The following GRIK1 variants were observed in gnomAD, a reference collection of about 807,000 sequenced individuals.
GRIK1 encodes the protein glutamate ionotropic receptor kainate type subunit 1.
GRIK1 carries 69 observed loss-of-function variants against 105.7 expected under a neutral mutation model. That is an observed-to-expected ratio of 0.65 (90% CI 0.54 to 0.80). The LOEUF (loss-of-function observed/expected upper bound fraction) is 0.80. Among genes scored for constraint, GRIK1 ranks in the 30% least tolerant of loss-of-function variants. The pLI is 0.00. For synonymous variants in GRIK1, 438 were observed against 431.3 expected (o/e 1.02, Z -0.19); for missense variants, 1,109 against 1,167.3 (o/e 0.95, Z 0.73).
At chr21:29,781,455 ATTG>A (rs973236973) in intron 1 of GRIK1, among the ~76,000 whole-genome samples, 5 of 152,052 alleles carry the variant, frequency 3.3e-5, no homozygotes, top group African/African-American at 1.2e-4. Context: ...TGTGTATGCC[ATTG>A]TATTTCCCAC....
At chr21:29,917,048 T>C (rs569502183) in intron 1 of GRIK1, among the ~76,000 whole-genome samples, 1 of 152,024 alleles carries the variant, frequency 6.6e-6, no homozygotes, top group Non-Finnish European at 1.5e-5. Flanking sequence ...ATGCTTCTGA[T>C]GTTTTTCTCA....
chr21:29,574,335 A>G (rs944443614), intron 14 of GRIK1, among the ~76,000 whole-genome samples: 2 of 152,238 alleles, frequency 1.3e-5, no homozygotes, highest in African/African-American at 4.8e-5. Context: ...AACATCTTGA[A>G]GGAAGTAGAA....
intron 1 of GRIK1, among the ~76,000 whole-genome samples, chr21:29,806,323 A>G (rs988259016): frequency 2.6e-5 from 4 of 152,092 alleles, no homozygotes; most frequent in African/African-American, 9.7e-5. Flanking sequence ...CAGTCAGCCA[A>G]TAACAAACCA....
intron 16 of GRIK1, among the ~76,000 whole-genome samples, chr21:29,538,806 G>A (rs974853401): frequency 1.3e-5 from 2 of 151,326 alleles, no homozygotes; most frequent in African/African-American, 4.9e-5. Context: ...TGCAACATGT[G>A]TATTTGAAAA....
At chr21:29,863,063 T>C (rs1173295454) in intron 1 of GRIK1, among the ~76,000 whole-genome samples, 1 of 152,236 alleles carries the variant, frequency 6.6e-6, no homozygotes. Flanking sequence ...TGTGTGTATA[T>C]GTGTCTGTGA....
chr21:29,842,176 T>C (rs1435165320), intron 1 of GRIK1, among the ~76,000 whole-genome samples: 2 of 152,198 alleles, frequency 1.3e-5, no homozygotes, highest in Non-Finnish European at 2.9e-5. Flanking sequence ...GGTTATTCTT[T>C]GCTTTTTAAA....
chr21:29,585,963 T>C (rs1316306905), intron 12 of GRIK1, among the ~76,000 whole-genome samples: 1 of 152,192 alleles, frequency 6.6e-6, no homozygotes, highest in Admixed American at 6.5e-5. Context: ...TTTGGCAGCA[T>C]CCCTGGACTC....
At chr21:29,574,683 C>CTTT (rs71191118) in intron 14 of GRIK1, among the ~76,000 whole-genome samples, 333 of 98,372 alleles carry the variant, frequency 3.4e-3, no homozygotes, top group African/African-American at 4.7e-3. Flanking sequence ...TGATACACTT[C>CTTT]TTTTTTTTTT....
At chr21:29,674,307 G>T (rs1393543391) in intron 3 of GRIK1, among the ~76,000 whole-genome samples, 1 of 151,278 alleles carries the variant, frequency 6.6e-6, no homozygotes, top group African/African-American at 2.4e-5. Context: ...GTGTGTGTGT[G>T]TGTGTGGCTC....
chr21:29,652,124 T>C (rs1483181050), intron 5 of GRIK1, among the ~76,000 whole-genome samples: 1 of 152,282 alleles, frequency 6.6e-6, no homozygotes, highest in East Asian at 1.9e-4. Flanking sequence ...CTTTGGGGTA[T>C]TTTGAAGAAT....
intron 4 of GRIK1, among the ~76,000 whole-genome samples, chr21:29,659,314 G>T (rs925710304): frequency 3.9e-5 from 6 of 152,100 alleles, no homozygotes; most frequent in African/African-American, 1.4e-4. Context: ...GCTGAGTTGG[G>T]TTAGAGTAAT....
At chr21:29,582,904 C>T (rs1365254223) in intron 12 of GRIK1, among the ~76,000 whole-genome samples, 1 of 152,098 alleles carries the variant, frequency 6.6e-6, no homozygotes, top group Admixed American at 6.6e-5. Flanking sequence ...GTTGCTGACA[C>T]ACTGGGGAGA....
chr21:29,681,682 A>G (rs191552832), intron 3 of GRIK1, among the ~76,000 whole-genome samples: 32 of 152,230 alleles, frequency 2.1e-4, no homozygotes, highest in African/African-American at 7.5e-4. Flanking sequence ...AACAATTATA[A>G]TCATTTTATA....
intron 1 of GRIK1, among the ~76,000 whole-genome samples, chr21:29,737,775 A>T (rs2064829636): frequency 6.6e-6 from 1 of 152,242 alleles, no homozygotes; most frequent in Non-Finnish European, 1.5e-5. Context: ...CACTCTGGAA[A>T]CATGAAATAA....
At chr21:29,768,622 G>A (rs533618260) in intron 1 of GRIK1, among the ~76,000 whole-genome samples, 158 of 152,290 alleles carry the variant, frequency 1.0e-3, no homozygotes, top group Middle Eastern at 0.01. Flanking sequence ...TCCGCCTCTG[G>A]GTTGCATGGG....
At chr21:29,709,246 G>T (rs1415302440) in intron 1 of GRIK1, among the ~76,000 whole-genome samples, 1 of 149,558 alleles carries the variant, frequency 6.7e-6, no homozygotes, top group Non-Finnish European at 1.5e-5. Context: ...GTAAATAAAT[G>T]ACACTTTCTA....
chr21:29,661,531 C>T (rs980921408), intron 4 of GRIK1, among the ~76,000 whole-genome samples: 10 of 152,246 alleles, frequency 6.6e-5, no homozygotes, highest in Admixed American at 2.0e-4. Flanking sequence ...GGAATGAGGA[C>T]GGCCTCTGTG....
At chr21:29,774,889 G>A (rs1405397934) in intron 1 of GRIK1, among the ~76,000 whole-genome samples, 1 of 152,164 alleles carries the variant, frequency 6.6e-6, no homozygotes, top group Non-Finnish European at 1.5e-5. Context: ...TTGCTGTCTT[G>A]AACTTCTTAA....
intron 1 of GRIK1, among the ~76,000 whole-genome samples, chr21:29,801,862 C>CT (rs543667536): frequency 6.6e-6 from 1 of 151,998 alleles, no homozygotes; most frequent in Non-Finnish European, 1.5e-5. Flanking sequence ...TACCCACTCT[C>CT]TTTTTTTTCT....
Sources: gnomAD v4.1 joint callset for allele counts (sites outside exome capture counted in the v4.1 genomes callset) on GRCh38, gnomAD v4.1.1 for gene constraint, MANE v1.5 for transcripts, NCBI Gene and HGNC (gene_info 2026-07-23, HGNC 2026-07-21) for gene names.